CCSER2: variants seen among roughly 807,000 people sequenced by gnomAD.
The protein encoded by CCSER2 is coiled-coil serine rich protein 2.
A neutral mutation model predicts 92.3 loss-of-function variants in CCSER2; 46 were observed. The observed-to-expected ratio is 0.50, with a 90% CI of 0.39 to 0.64. CCSER2 has a LOEUF of 0.64. Ranked by LOEUF, CCSER2 falls within the 30% of genes least tolerant of loss-of-function variation. The probability of loss-of-function intolerance (pLI) is 0.00; values close to 1 mark genes in which losing one functional copy is unlikely to be tolerated. For missense variants in CCSER2, 1,244 were observed against 1,238.9 expected, an observed-to-expected ratio of 1.00 and a Z score of -0.06; for synonymous variants, 433 against 431.4, an observed-to-expected ratio of 1.00 and a Z score of -0.04.
At chr10:84,503,143 GCGTGAACCCATGAGGCGGAGCTTGC>G (rs1848858240) in intron 9 of CCSER2, among the ~76,000 whole-genome samples, 1 of 152,038 alleles carries the variant, frequency 6.6e-6, no homozygotes, top group South Asian at 2.1e-4. Flanking sequence ...CAGGAGAATG[GCGTGAACCCATGAGGCGGAGCTTGC>G]CGTGAGCCAG....
At chr10:84,499,260 C>T (rs1476712180) in intron 9 of CCSER2, among the ~76,000 whole-genome samples, 5 of 152,106 alleles carry the variant, frequency 3.3e-5, no homozygotes, top group South Asian at 2.1e-4. Context: ...CTTAGCCTCC[C>T]GAGTAACTGG....
chr10:84,453,824 T>C (rs1401005391), intron 6 of CCSER2, among the ~76,000 whole-genome samples: 6 of 152,322 alleles, frequency 3.9e-5, no homozygotes. Flanking sequence ...GATTACTAAT[T>C]AGAATTCTTT....
intron 9 of CCSER2, among the ~76,000 whole-genome samples, chr10:84,510,044 T>A (rs1294806825): frequency 6.6e-6 from 1 of 152,172 alleles, no homozygotes; most frequent in Non-Finnish European, 1.5e-5. Context: ...TTCTGATTCC[T>A]CTTCTTAAAA....
At chr10:84,424,935 C>G (rs1843347701) in intron 4 of CCSER2, 2 of 962,202 alleles carry the variant, frequency 2.1e-6, no homozygotes, top group Non-Finnish European at 2.5e-6. Context: ...AAGGCCTGTT[C>G]AGCAGTGCCT....
intron 3 of CCSER2, among the ~76,000 whole-genome samples, chr10:84,411,392 A>T (rs1328073106): frequency 1.3e-5 from 2 of 152,186 alleles, no homozygotes; most frequent in African/African-American, 4.8e-5. Flanking sequence ...TCGTTTCGGC[A>T]GTATGGCCAT....
chr10:84,479,187 A>C (rs1248537363), intron 9 of CCSER2, among the ~76,000 whole-genome samples: 1 of 152,242 alleles, frequency 6.6e-6, no homozygotes, highest in African/African-American at 2.4e-5. Flanking sequence ...CTATAAAAAA[A>C]GTAACTATAA....
chr10:84,419,245 TAGAG>T (rs777326632), intron 4 of CCSER2, among the ~76,000 whole-genome samples: 110 of 151,886 alleles, frequency 7.2e-4, no homozygotes, highest in Non-Finnish European at 1.2e-3. Flanking sequence ...TAGATTTGGT[TAGAG>T]AGCGTATTCT....
In CCSER2 at chr10:84,437,468, C is replaced by T. The variant is rs543479507; in HGVS notation, c.1869-1044C>T. On this transcript the variant is annotated intron_variant, in intron 5 of 9. Coordinates refer to ENST00000372088, the MANE Select transcript of CCSER2 (RefSeq NM_001284240.2). ...GGCAGAGGTTACAATGAGCCAAGAT[C>T]GTACCATTGCGCTCCAGCCTGGATG... Among the ~76,000 whole-genome samples, 29 of 151,748 alleles carry T rather than the reference C, an allele frequency of 1.9e-4. No individual in the cohort carries two copies. The South Asian group carries it at 3.5e-3, about 19-fold the overall frequency.
intron 5 of CCSER2, among the ~76,000 whole-genome samples, chr10:84,436,185 A>C (rs1418085241): frequency 4.0e-5 from 6 of 150,426 alleles, no homozygotes; most frequent in Non-Finnish European, 8.9e-5. Flanking sequence ...AAATTAGCCG[A>C]GTGTGGTGGC....
chr10:84,467,842 T>C (rs1425585610), intron 7 of CCSER2, among the ~76,000 whole-genome samples: 1 of 152,184 alleles, frequency 6.6e-6, no homozygotes, highest in Non-Finnish European at 1.5e-5. Flanking sequence ...GCCAAAAATC[T>C]CAAAATTTTG....
chr10:84,417,252 C>T (rs1392957683), intron 3 of CCSER2, among the ~76,000 whole-genome samples: 1 of 152,122 alleles, frequency 6.6e-6, no homozygotes, highest in African/African-American at 2.4e-5. Context: ...CTAGTCTTAT[C>T]ATAGAAAAAG....
intron 3 of CCSER2, among the ~76,000 whole-genome samples, chr10:84,412,323 G>A (rs949903415): frequency 6.6e-5 from 10 of 152,086 alleles, no homozygotes; most frequent in African/African-American, 2.4e-4. Context: ...TTAGGGAGGA[G>A]TCCCTCCTTT....
intron 3 of CCSER2, among the ~76,000 whole-genome samples, chr10:84,404,021 G>A (rs974051539): frequency 4.6e-5 from 7 of 152,198 alleles, no homozygotes; most frequent in African/African-American, 1.7e-4. Flanking sequence ...AACAATCTTT[G>A]AAAATAGGGT....
chr10:84,445,533 A>G (rs1482394151), intron 6 of CCSER2, among the ~76,000 whole-genome samples: 1 of 152,186 alleles, frequency 6.6e-6, no homozygotes, highest in Non-Finnish European at 1.5e-5. Flanking sequence ...GGTATAATTA[A>G]TAAGTATTTA....
At chr10:84,361,946 ACAT>A (rs761580840) in intron 1 of CCSER2, among the ~76,000 whole-genome samples, 8 of 152,038 alleles carry the variant, frequency 5.3e-5, no homozygotes, top group African/African-American at 4.8e-5. Context: ...GGCCTCACTA[ACAT>A]TTTTCTATGA....
chr10:84,442,694 G>C (rs1176585241), intron 6 of CCSER2, among the ~76,000 whole-genome samples: 1 of 152,138 alleles, frequency 6.6e-6, no homozygotes. Context: ...TAATTAACTG[G>C]ATATGTTAAA....
At chr10:84,416,913 A>G (rs910892588) in intron 3 of CCSER2, among the ~76,000 whole-genome samples, 5 of 152,200 alleles carry the variant, frequency 3.3e-5, no homozygotes, top group African/African-American at 1.2e-4. Context: ...CCTGGGTGAC[A>G]GCGAGACTCC....
intron 7 of CCSER2, among the ~76,000 whole-genome samples, chr10:84,469,717 T>A (rs1846662613): frequency 6.6e-6 from 1 of 152,154 alleles, no homozygotes; most frequent in Admixed American, 6.5e-5. Flanking sequence ...GGATTCCTGC[T>A]TAACTTGACA....
intron 8 of CCSER2, among the ~76,000 whole-genome samples, chr10:84,472,176 G>A (rs973590418): frequency 1.3e-5 from 2 of 152,228 alleles, no homozygotes; most frequent in African/African-American, 4.8e-5. Flanking sequence ...CTTATGTCTT[G>A]GAGAGACTTT....
Sources: allele counts gnomAD v4.1 joint callset (sites outside exome capture counted in the v4.1 genomes callset), GRCh38; gene constraint gnomAD v4.1.1; transcripts MANE v1.5; gene names NCBI Gene and HGNC (gene_info 2026-07-23, HGNC 2026-07-21).